KLF12: variants seen among roughly 807,000 people sequenced by gnomAD.
The protein encoded by KLF12 is Krueppel-like factor 12.
In KLF12, 9 loss-of-function variants were observed where a neutral mutation model predicts 37.8. The ratio of observed to expected loss-of-function variants is 0.24; its 90% CI spans 0.14 to 0.42. The LOEUF is 0.42. Ranked by LOEUF, KLF12 falls within the 10% of genes least tolerant of loss-of-function variation. The pLI, the probability that KLF12 is intolerant of heterozygous loss-of-function variation, is 1.00. For missense variants in KLF12, 411 were observed against 516.0 expected, an observed-to-expected ratio of 0.80 and a Z score of 1.97; for synonymous variants, 208 against 202.1, an observed-to-expected ratio of 1.03 and a Z score of -0.25.
chr13:74,074,893 A>G (rs1874478073), intron 1 of KLF12, among the ~76,000 whole-genome samples: 1 of 152,228 alleles, frequency 6.6e-6, no homozygotes, highest in Admixed American at 6.5e-5. Flanking sequence ...TGGATATCAA[A>G]AAGGCATAAT....
At chr13:73,838,826 A>C (rs1217996544) in intron 4 of KLF12, among the ~76,000 whole-genome samples, 1 of 152,182 alleles carries the variant, frequency 6.6e-6, no homozygotes, top group African/African-American at 2.4e-5. Context: ...GCAAAAGGGG[A>C]GAAATAGCAG....
chr13:74,203,816 T>C, the KLF12 span, among the ~76,000 whole-genome samples: 1 of 152,108 alleles, frequency 6.6e-6, no homozygotes, highest in Admixed American at 6.6e-5. Flanking sequence ...GCCATTCCCA[T>C]TGACCAATAT....
chr13:73,935,526 G>A (rs902739420), intron 3 of KLF12, among the ~76,000 whole-genome samples: 3 of 152,056 alleles, frequency 2.0e-5, no homozygotes, highest in African/African-American at 7.2e-5. Flanking sequence ...TTGTCTTCAT[G>A]GTAATGAATG....
intron 5 of KLF12, among the ~76,000 whole-genome samples, chr13:73,810,950 A>T (rs560004603): frequency 1.5e-3 from 205 of 135,806 alleles, no homozygotes; most frequent in African/African-American, 5.2e-3. Context: ...CAAGTAAGAG[A>T]TAAACAATGT....
chr13:73,697,534 G>C (rs1874234909), intron 7 of KLF12, among the ~76,000 whole-genome samples: 1 of 152,142 alleles, frequency 6.6e-6, no homozygotes, highest in South Asian at 2.1e-4. Context: ...AGAAAGATTG[G>C]AGGTCTACTA....
chr13:73,792,343 C>T (rs1289083979), intron 5 of KLF12, among the ~76,000 whole-genome samples: 2 of 151,896 alleles, frequency 1.3e-5, no homozygotes, highest in Non-Finnish European at 2.9e-5. Context: ...TTTTATGAAG[C>T]CAACATAAAA....
At chr13:73,750,231 C>T (rs1324136877) in intron 6 of KLF12, among the ~76,000 whole-genome samples, 1 of 152,160 alleles carries the variant, frequency 6.6e-6, no homozygotes, top group Non-Finnish European at 1.5e-5. Context: ...GAATGGGAAA[C>T]AGCCATCAAA....
chr13:74,084,134 A>G (rs541272423), intron 1 of KLF12, among the ~76,000 whole-genome samples: 20 of 152,362 alleles, frequency 1.3e-4, no homozygotes, highest in African/African-American at 4.6e-4. Flanking sequence ...TCACTTGGAG[A>G]CTTGGATATT....
intron 2 of KLF12, among the ~76,000 whole-genome samples, chr13:73,982,414 A>T (rs746101854): frequency 5.3e-5 from 8 of 152,326 alleles, no homozygotes; most frequent in Admixed American, 2.6e-4. Flanking sequence ...ATTGTCAGAA[A>T]GGATATCTTC....
intron 2 of KLF12, among the ~76,000 whole-genome samples, chr13:73,986,632 C>T (rs1186331037): frequency 6.6e-6 from 1 of 152,090 alleles, no homozygotes; most frequent in Non-Finnish European, 1.5e-5. Flanking sequence ...AGTTGCTAAT[C>T]ACCTGACCTT....
chr13:73,705,908 C>T (rs1246116069), intron 7 of KLF12, among the ~76,000 whole-genome samples: 1 of 152,178 alleles, frequency 6.6e-6, no homozygotes, highest in African/African-American at 2.4e-5. Flanking sequence ...AATCCCAGCA[C>T]TTTGGGAAGC....
At chr13:73,851,923 A>C (rs1321970863) in intron 3 of KLF12, among the ~76,000 whole-genome samples, 1 of 152,232 alleles carries the variant, frequency 6.6e-6, no homozygotes, top group African/African-American at 2.4e-5. Context: ...CAGTAGGTAC[A>C]TGGCTTAGTT....
intron 2 of KLF12, among the ~76,000 whole-genome samples, chr13:73,983,403 G>GCCTT (rs1891739578): frequency 6.6e-6 from 1 of 152,126 alleles, no homozygotes; most frequent in Non-Finnish European, 1.5e-5. Context: ...CAGTATCAGT[G>GCCTT]CCTTCTGGTT....
chr13:73,701,903 GGACTA>G (rs1212667316), intron 7 of KLF12, among the ~76,000 whole-genome samples: 1 of 151,908 alleles, frequency 6.6e-6, no homozygotes, highest in Non-Finnish European at 1.5e-5. Flanking sequence ...TGAAAAACCT[GGACTA>G]AACTAGGAAA....
At chr13:73,895,978 G>A (rs528432375) in intron 3 of KLF12, among the ~76,000 whole-genome samples, 14 of 152,032 alleles carry the variant, frequency 9.2e-5, no homozygotes, top group East Asian at 5.8e-4. Flanking sequence ...GTGCCACCAC[G>A]CCTGACTAAT....
chr13:73,812,887 C>A, intron 5 of KLF12: 2 of 292,346 alleles, frequency 6.8e-6, no homozygotes, highest in Non-Finnish European at 1.2e-5. Context: ...TTTTTTTTTG[C>A]AGAGTTCAGG....
the KLF12 span, among the ~76,000 whole-genome samples, chr13:74,236,045 C>A: frequency 6.7e-6 from 1 of 149,544 alleles, no homozygotes. Context: ...GCTGCACCCA[C>A]TAACTCGTCA....
At chr13:73,943,894 G>T in intron 3 of KLF12, 87 bp downstream of exon 3, 2 of 799,640 alleles carry the variant, frequency 2.5e-6, no homozygotes, top group Non-Finnish European at 4.2e-6. Flanking sequence ...GGAAACCGTA[G>T]AAGTGCTCTG....
chr13:74,048,485 G>A (rs1244443858), intron 1 of KLF12, among the ~76,000 whole-genome samples: 3 of 151,800 alleles, frequency 2.0e-5, no homozygotes, highest in Non-Finnish European at 4.4e-5. Context: ...TTATGTTTTG[G>A]GAATCCCATA....
Sources: allele counts gnomAD v4.1 joint callset (sites outside exome capture counted in the v4.1 genomes callset), GRCh38; gene constraint gnomAD v4.1.1; transcripts MANE v1.5; gene names NCBI Gene and HGNC (gene_info 2026-07-23, HGNC 2026-07-21).